The following CEP15 variants were observed in gnomAD, a reference collection of about 807,000 sequenced individuals.
The protein encoded by CEP15 is centrosomal protein 15, also known as centrosomal protein 15 kDa.
At chr3:62,321,651 T>C in the CEP15 span, among the ~76,000 whole-genome samples, 2 of 152,078 alleles carry the variant, frequency 1.3e-5, no homozygotes, top group African/African-American at 4.8e-5. This position sits in a 1 kb window ranked among gnomAD's most constrained non-coding sequence, Gnocchi z 4.1. Context: ...TAAAATAATT[T>C]CAAAAGACCA....
the CEP15 span, among the ~76,000 whole-genome samples, chr3:62,326,339 A>G: frequency 1.3e-5 from 2 of 152,182 alleles, no homozygotes; most frequent in Non-Finnish European, 2.9e-5. Flanking sequence ...ATGACCCTGT[A>G]TCTCATGCTT....
the CEP15 span, among the ~76,000 whole-genome samples, chr3:62,332,644 A>C: frequency 6.6e-6 from 1 of 152,130 alleles, no homozygotes. Context: ...CTTCCAAGCT[A>C]TTTGTATTAA....
At chr3:62,326,796 A>C in the CEP15 span, among the ~76,000 whole-genome samples, 60 of 152,318 alleles carry the variant, frequency 3.9e-4, no homozygotes, top group East Asian at 9.6e-4. Flanking sequence ...ATTATTTTGA[A>C]GGTATTCTCC....
the CEP15 span, chr3:62,319,071 CA>C: frequency 6.6e-6 from 1 of 152,304 alleles, no homozygotes; most frequent in Non-Finnish European, 1.5e-5. Context: ...TGGAGTCGGA[CA>C]GTGGGTGGGT....
At chr3:62,320,393 A>T in the CEP15 span, 1 of 1,154,318 alleles carries the variant, frequency 8.7e-7, no homozygotes, top group Non-Finnish European at 1.3e-6. Context: ...TACTAAAATA[A>T]TCAAATGTTG....
At chr3:62,326,877 TA>T in the CEP15 span, among the ~76,000 whole-genome samples, 1 of 152,236 alleles carries the variant, frequency 6.6e-6, no homozygotes, top group Non-Finnish European at 1.5e-5. Context: ...CACTAAATTA[TA>T]AGGACTATTT....
At chr3:62,331,491 C>T in the CEP15 span, 2 of 1,089,514 alleles carry the variant, frequency 1.8e-6, no homozygotes, top group Non-Finnish European at 2.8e-6. Flanking sequence ...GTGTATTTTC[C>T]AGATATATTT....
At chr3:62,320,888 A>G in the CEP15 span, among the ~76,000 whole-genome samples, 2 of 152,052 alleles carry the variant, frequency 1.3e-5, no homozygotes, top group Non-Finnish European at 2.9e-5. Context: ...CTCTCATGCC[A>G]TTGTCTTGCA....
chr3:62,327,624 C>G, the CEP15 span, among the ~76,000 whole-genome samples: 87 of 152,122 alleles, frequency 5.7e-4, no homozygotes, highest in Admixed American at 5.7e-3. Flanking sequence ...TTAGAAGTTG[C>G]AAAAAGAATA....
At chr3:62,329,330 T>G in the CEP15 span, among the ~76,000 whole-genome samples, 27 of 152,282 alleles carry the variant, frequency 1.8e-4, no homozygotes, top group African/African-American at 6.3e-4. Flanking sequence ...TTCATTTGGT[T>G]GAGAAGTAAG....
At chr3:62,324,195 G>C in the CEP15 span, 1 of 151,766 alleles carries the variant, frequency 6.6e-6, no homozygotes, top group Non-Finnish European at 1.5e-5. Flanking sequence ...TTCAGGACCA[G>C]CCTGAGCAAC....
At chr3:62,320,976 G>A in the CEP15 span, among the ~76,000 whole-genome samples, 5 of 152,084 alleles carry the variant, frequency 3.3e-5, no homozygotes, top group Admixed American at 1.3e-4. Flanking sequence ...TTCCTCCTCT[G>A]TTTGTGGGCT....
chr3:62,326,151 C>T, the CEP15 span, among the ~76,000 whole-genome samples: 1 of 152,108 alleles, frequency 6.6e-6, no homozygotes, highest in Non-Finnish European at 1.5e-5. Context: ...GAGAATCCTT[C>T]CACTGAAGAA....
At chr3:62,333,557 C>A in the CEP15 span, 1 of 679,052 alleles carries the variant, frequency 1.5e-6, no homozygotes, top group Non-Finnish European at 2.3e-6. This position sits in a 1 kb window ranked among gnomAD's most constrained non-coding sequence, Gnocchi z 4.0. Flanking sequence ...TTATCACCTA[C>A]TACTATTTCA....
the CEP15 span, chr3:62,333,118 C>A: frequency 1.4e-6 from 1 of 695,594 alleles, no homozygotes; most frequent in Non-Finnish European, 2.2e-6. The surrounding 1 kb of genome is among the most constrained non-coding windows in gnomAD (Gnocchi z 4.0). Context: ...AGAGGAAATG[C>A]ATTCTACATA....
chr3:62,331,923 G>T, the CEP15 span, among the ~76,000 whole-genome samples: 1 of 152,148 alleles, frequency 6.6e-6, no homozygotes, highest in Non-Finnish European at 1.5e-5. Context: ...TGTTTGTGAT[G>T]AATGGGAATT....
the CEP15 span, among the ~76,000 whole-genome samples, chr3:62,330,201 T>C: frequency 6.6e-6 from 1 of 152,166 alleles, no homozygotes; most frequent in Non-Finnish European, 1.5e-5. Flanking sequence ...ATCTGCTATC[T>C]CTTTTCTCCT....
chr3:62,329,787 A>G, the CEP15 span, among the ~76,000 whole-genome samples: 19 of 152,230 alleles, frequency 1.2e-4, no homozygotes, highest in Admixed American at 2.6e-4. Flanking sequence ...AAGTGGCGCC[A>G]AGATCTGCCA....
At chr3:62,334,362 T>A in the CEP15 span, 2 of 152,150 alleles carry the variant, frequency 1.3e-5, no homozygotes, top group Non-Finnish European at 2.9e-5. This position sits in a 1 kb window ranked among gnomAD's most constrained non-coding sequence, Gnocchi z 4.9. Flanking sequence ...GTTTATGTTT[T>A]TAAAAGAAGA....
Sources: gnomAD v4.1 joint callset for allele counts (sites outside exome capture counted in the v4.1 genomes callset) on GRCh38, gnomAD v4.1.1 for gene constraint, Gnocchi (gnomAD v3.1) non-coding constraint, MANE v1.5 for transcripts, NCBI Gene and HGNC (gene_info 2026-07-23, HGNC 2026-07-21) for gene names.